The following CPEB2 variants were observed in gnomAD, a reference collection of about 807,000 sequenced individuals.
CPEB2 encodes the protein cytoplasmic polyadenylation element-binding protein 2.
Under a neutral mutation model 93.6 loss-of-function variants are expected in CPEB2, and 56 were observed. The ratio of observed to expected loss-of-function variants is 0.60; its 90% confidence interval spans 0.48 to 0.75. The LOEUF (loss-of-function observed/expected upper bound fraction) is 0.75, where lower values mean the gene tolerates loss of function less well. Among genes scored for constraint, CPEB2 ranks in the 30% least tolerant of loss-of-function variants. CPEB2 has a pLI of 0.00. For synonymous variants in CPEB2, 764 were observed against 586.3 expected (o/e 1.30, Z -4.38); for missense variants, 1,579 against 1,395.1 (o/e 1.13, Z -2.10).
intron 4 of CPEB2, among the ~76,000 whole-genome samples, chr4:15,026,918 T>C (rs909867985): frequency 6.6e-6 from 1 of 152,214 alleles, no homozygotes; most frequent in Non-Finnish European, 1.5e-5. Context: ...CTAGGTTTGC[T>C]TTATACCAGT....
At chr4:15,020,019 T>A (rs947775096) in intron 4 of CPEB2, among the ~76,000 whole-genome samples, 4 of 152,194 alleles carry the variant, frequency 2.6e-5, no homozygotes, top group African/African-American at 9.6e-5. Flanking sequence ...GAGGATCTTT[T>A]TCTAAGATGG....
At chr4:15,016,896 T>C (rs376718669) in intron 3 of CPEB2, among the ~76,000 whole-genome samples, 25 of 152,080 alleles carry the variant, frequency 1.6e-4, no homozygotes, top group African/African-American at 4.6e-4. Flanking sequence ...GGAAACTTTA[T>C]AGAGAAAAGT....
intron 4 of CPEB2, among the ~76,000 whole-genome samples, chr4:15,030,817 C>T (rs1726013454): frequency 6.6e-6 from 1 of 152,006 alleles, no homozygotes; most frequent in South Asian, 2.1e-4. Context: ...AAACTTTCCA[C>T]AAAAAGTGTG....
At chr4:15,062,911 TACTG>T (rs752985392) in intron 11 of CPEB2, among the ~76,000 whole-genome samples, 19 of 152,104 alleles carry the variant, frequency 1.2e-4, no homozygotes, top group Non-Finnish European at 2.6e-4. Flanking sequence ...TAATTCCAAG[TACTG>T]ACTACCTTCT....
At chr4:15,030,157 G>GT (rs935622163) in intron 4 of CPEB2, among the ~76,000 whole-genome samples, 3 of 151,532 alleles carry the variant, frequency 2.0e-5, no homozygotes, top group Non-Finnish European at 4.4e-5. Context: ...TAGTAATGTG[G>GT]TTTTTTTTCT....
chr4:15,007,863 C>G (rs989508341), intron 2 of CPEB2, among the ~76,000 whole-genome samples: 5 of 152,124 alleles, frequency 3.3e-5, no homozygotes, highest in African/African-American at 1.2e-4. Context: ...ATTAGCAGCT[C>G]TTTAAGAATG....
In CPEB2 at chr4:15,002,564, C is replaced by A; in HGVS notation, c.-110C>A. The A allele has an allele frequency of 1.1e-6, 1 of 887,062 alleles. No individual in the cohort carries two copies. The highest frequency in any genetic ancestry group is 1.6e-6 in the Non-Finnish European group (1 of 615,328). 54.9% of individuals were successfully genotyped at this position (887,062 alleles called of 1,614,324 possible). Reference sequence around the variant, plus strand: ...CCTGGCTCAGTCACGGTGTCCCTCTCTCACTGACTCCCCCTCCTTCCACCA... The same window carrying A: ...CCTGGCTCAGTCACGGTGTCCCTCTATCACTGACTCCCCCTCCTTCCACCA... On this transcript the variant is annotated 5_prime_UTR_variant, in exon 1 of 12. Coordinates refer to ENST00000538197, the MANE Select transcript of CPEB2 (RefSeq NM_001177382.2).
intron 1 of CPEB2, among the ~76,000 whole-genome samples, 160 bp downstream of exon 1, chr4:15,004,495 T>G (rs1223486997): frequency 6.6e-6 from 1 of 151,798 alleles, no homozygotes; most frequent in Admixed American, 6.5e-5. Context: ...CGGACAACCG[T>G]GACAGGACTC....
At chr4:15,063,241 A>T (rs1238796080) in intron 11 of CPEB2, among the ~76,000 whole-genome samples, 1 of 151,994 alleles carries the variant, frequency 6.6e-6, no homozygotes, top group Non-Finnish European at 1.5e-5. Context: ...TAGACCATGC[A>T]TGCTAGAAGT....
At chr4:15,034,793 A>G (rs1348445119) in intron 5 of CPEB2, among the ~76,000 whole-genome samples, 10 of 152,218 alleles carry the variant, frequency 6.6e-5, no homozygotes, top group Admixed American at 4.6e-4. Context: ...TTTGTGGGTT[A>G]AAGAAGTCTT....
intron 5 of CPEB2, among the ~76,000 whole-genome samples, chr4:15,033,550 T>C (rs1221605826): frequency 1.3e-5 from 2 of 152,216 alleles, no homozygotes; most frequent in Non-Finnish European, 2.9e-5. Flanking sequence ...CAAGGTTTAT[T>C]GTGAGATTTA....
At position 15,003,908 on chromosome 4, in the gene CPEB2, CGCCCCAGCCGCA is replaced by C; in HGVS notation, c.1239_1250del (p.Gln416_Pro419del). 1 of 967,004 alleles carries C rather than the reference CGCCCCAGCCGCA, an allele frequency of 1.0e-6. No individual in the cohort carries two copies. The highest frequency in any genetic ancestry group is 1.3e-6 in the Non-Finnish European group (1 of 745,194). The allele number at this position is 967,004 out of a possible 1,614,324, so 59.9% of individuals were successfully genotyped here. A position where few individuals can be genotyped will look rare whatever the true frequency, so the allele number is the denominator to read the frequency against. The stretch of plus-strand genomic sequence containing the variant: ...CAGCAGCCGCCGCCACCCCAGCAGC[CGCCCCAGCCGCA>C]GCCGCAGCCGCCCGGCTCGTCTGCC... On this transcript the variant is annotated inframe_deletion, in exon 1 of 12. Coordinates refer to ENST00000538197, the MANE Select transcript of CPEB2 (RefSeq NM_001177382.2).
chr4:15,059,886 C>T (rs969017415), intron 10 of CPEB2, among the ~76,000 whole-genome samples: 7 of 152,178 alleles, frequency 4.6e-5, no homozygotes, highest in African/African-American at 1.4e-4. Flanking sequence ...AACATCGTCT[C>T]CCCAGTCATA....
At chr4:15,044,864 G>A (rs1727507925) in intron 6 of CPEB2, among the ~76,000 whole-genome samples, 1 of 151,908 alleles carries the variant, frequency 6.6e-6, no homozygotes, top group Admixed American at 6.6e-5. Context: ...AGACCATAGG[G>A]GATAGCCATT....
chr4:15,049,318 T>A (rs1426982730), intron 6 of CPEB2, among the ~76,000 whole-genome samples: 1 of 152,078 alleles, frequency 6.6e-6, no homozygotes, highest in African/African-American at 2.4e-5. Flanking sequence ...TAAATGTCTG[T>A]TAGAAAGACA....
chr4:15,005,266 G>C (rs1722672623), intron 1 of CPEB2: 1 of 152,266 alleles, frequency 6.6e-6, no homozygotes, highest in East Asian at 1.9e-4. Context: ...TGGGTTTTAA[G>C]ACAAAACTGA....
At chr4:15,016,862 G>T (rs913077339) in intron 3 of CPEB2, among the ~76,000 whole-genome samples, 1 of 151,866 alleles carries the variant, frequency 6.6e-6, no homozygotes, top group African/African-American at 2.4e-5. Flanking sequence ...ACCAAAAAAT[G>T]CTTTCTGTGT....
rs186202145 is a variant in CPEB2, at chr4:15,067,639, G to T, written c.*1259G>T. 6.6e-6 allele frequency: 1 copy of T among 152,532 alleles called. No homozygotes were observed. The highest frequency in any genetic ancestry group is 1.9e-4 in the East Asian group (1 of 5,152). The allele number at this position is 152,532 out of a possible 1,614,324, so 9.4% of individuals were successfully genotyped here. A position where few individuals can be genotyped will look rare whatever the true frequency, so the allele number is the denominator to read the frequency against. ...AAAAATCTGAATTTTTTAGAAGAAT[G>T]CAAAACTTTAGTAAACCCTAAGTAA... On this transcript the variant is annotated 3_prime_UTR_variant, in exon 12 of 12. Transcript: ENST00000538197.
At chr4:15,020,874 A>T (rs1724730543) in intron 4 of CPEB2, among the ~76,000 whole-genome samples, 1 of 152,152 alleles carries the variant, frequency 6.6e-6, no homozygotes, top group South Asian at 2.1e-4. Flanking sequence ...GAAGATTATG[A>T]GGTGTTTAGA....
Sources: allele counts gnomAD v4.1 joint callset (sites outside exome capture counted in the v4.1 genomes callset), GRCh38; gene constraint gnomAD v4.1.1; transcripts MANE v1.5; gene names NCBI Gene and HGNC (gene_info 2026-07-23, HGNC 2026-07-21).